Variants in GEMIN5 observed in about 807,000 individuals in gnomAD.
GEMIN5 encodes gem-associated protein 5.
GEMIN5 carries 124 observed loss-of-function variants against 176.9 expected under a neutral mutation model. The observed-to-expected ratio is 0.70, with a 90% CI of 0.61 to 0.81. The LOEUF (loss-of-function observed/expected upper bound fraction) is 0.81, where lower values mean the gene tolerates loss of function less well. Among genes scored for constraint, GEMIN5 ranks in the 40% least tolerant of loss-of-function variants. The probability of loss-of-function intolerance (pLI) is 0.00; values close to 1 mark genes in which losing one functional copy is unlikely to be tolerated. For missense variants in GEMIN5, 1,843 were observed against 1,814.6 expected (o/e 1.02, Z -0.28); for synonymous variants, 673 against 665.2 (o/e 1.01, Z -0.18).
At chr5:154,889,889 C>T (rs1351227709) in intron 26 of GEMIN5, among the ~76,000 whole-genome samples, 1 of 152,214 alleles carries the variant, frequency 6.6e-6, no homozygotes, top group Non-Finnish European at 1.5e-5. Context: ...ACTTAGGTTG[C>T]TCCCGTGTTT....
chr5:154,937,011 G>T lies in GEMIN5; in HGVS notation c.327+14C>A, dbSNP rs775092512. The T allele has an allele frequency of 1.9e-5, 31 of 1,600,412 alleles. No individual in the cohort carries two copies. The highest frequency in any genetic ancestry group is 2.5e-5 in the Non-Finnish European group (29 of 1,170,454). On this transcript the variant is annotated intron_variant, in intron 2 of 27. Transcript: ENST00000285873. ...TAGATAAAAACGGTTTGAGAAACCA[G>T]TAAGCCATGGTACCTGATGGAGTGC...
At chr5:154,931,783 G>A (rs772094167) in intron 4 of GEMIN5, 3 of 513,906 alleles carry the variant, frequency 5.8e-6, no homozygotes, top group Non-Finnish European at 1.0e-5. Context: ...GGGAGGCTGA[G>A]GCAGGTGGAT....
chr5:154,910,785 G>A (rs1320528596), intron 15 of GEMIN5, among the ~76,000 whole-genome samples: 1 of 152,098 alleles, frequency 6.6e-6, no homozygotes, highest in African/African-American at 2.4e-5. Context: ...TGCAAGCTCC[G>A]CCTCCTGGCT....
intron 20 of GEMIN5, among the ~76,000 whole-genome samples, chr5:154,901,902 G>A (rs891275995): frequency 6.6e-6 from 1 of 152,056 alleles, no homozygotes; most frequent in Non-Finnish European, 1.5e-5. Flanking sequence ...CCGGGCTCAG[G>A]TGATCCTCCC....
At chr5:154,897,888 G>A (rs1385189347) in intron 23 of GEMIN5, among the ~76,000 whole-genome samples, 1 of 151,088 alleles carries the variant, frequency 6.6e-6, no homozygotes, top group African/African-American at 2.4e-5. Context: ...CCCAAGGCCT[G>A]GGCTGACTAA....
At chr5:154,918,203 C>T (rs1320551454) in intron 11 of GEMIN5, among the ~76,000 whole-genome samples, 199 bp from the exon 12 acceptor site, 1 of 151,928 alleles carries the variant, frequency 6.6e-6, no homozygotes, top group African/African-American at 2.4e-5. Context: ...GCCAAAAAAA[C>T]AAAACAAAAA....
intron 23 of GEMIN5, among the ~76,000 whole-genome samples, chr5:154,896,671 A>AAAG (rs1175532727): frequency 6.6e-6 from 1 of 152,212 alleles, no homozygotes; most frequent in African/African-American, 2.4e-5. Flanking sequence ...AGTTTGAGGA[A>AAAG]AAGAAGGGCT....
chr5:154,888,066 T>C lies in GEMIN5; in HGVS notation c.*144A>G. 1.3e-6 allele frequency: 1 copy of C among 766,408 alleles called. No individual in the cohort carries two copies. Among genetic ancestry groups the C allele is most frequent in the Non-Finnish European group, 2.1e-6 (1 of 468,370 alleles). 47.5% of individuals were successfully genotyped at this position (766,408 alleles called of 1,614,324 possible). ...GTTGTCTATGGGTAGGCAGGGTTGA[T>C]TCAAACTTAATCCTTGTTTGTATTC... On this transcript the variant is annotated 3_prime_UTR_variant, in exon 28 of 28. Transcript: ENST00000285873.
chr5:154,928,728 T>C, intron 5 of GEMIN5, 69 bp from the exon 6 acceptor site: 3 of 1,381,574 alleles, frequency 2.2e-6, no homozygotes, highest in Non-Finnish European at 3.1e-6. Context: ...TCACCGGTGG[T>C]TCATAACACA....
intron 5 of GEMIN5, among the ~76,000 whole-genome samples, chr5:154,929,651 A>G (rs1764120827): frequency 6.6e-6 from 1 of 152,226 alleles, no homozygotes; most frequent in East Asian, 1.9e-4. Context: ...AGACACCTCT[A>G]AGTCTAGAGG....
At position 154,932,919 on chromosome 5, in the gene GEMIN5, C is replaced by A. The variant is rs145307280; in HGVS notation, c.510-669G>T. Among the ~76,000 whole-genome samples, 22 of 152,278 alleles carry A rather than the reference C, an allele frequency of 1.4e-4. No individual in the cohort carries two copies. The East Asian group carries it at 3.1e-3, about 21-fold the overall frequency. The stretch of plus-strand genomic sequence containing the variant: ...TAGTGCACTGGAAAATAATCTCTTT[C>A]TTTATAAGTGATACTACTTTTTAAA... On this transcript the variant is annotated intron_variant, in intron 3 of 27. Transcript: ENST00000285873.
At chr5:154,917,290 G>T (rs1763833867) in intron 12 of GEMIN5, 111 bp from the exon 13 acceptor site, 4 of 514,150 alleles carry the variant, frequency 7.8e-6, no homozygotes, top group Non-Finnish European at 1.3e-5. Flanking sequence ...GGTGGAAAAG[G>T]ATAACCCTTT....
Position 154,932,196 on chromosome 5 carries a change from A to C in GEMIN5, c.564T>G (p.Ile188Met), listed in dbSNP as rs752663970. Residue 188 changes from isoleucine to methionine, a missense_variant, in exon 4 of 28, where the codon ATT (isoleucine) becomes ATG (methionine). By Grantham distance (10) the Ile-to-Met change is conservative. Transcript: ENST00000285873. ...IIDISKKGEV[I>M]HRLRGHDDEI... ...CATCATCATGGCCTCGAAGCCTATG[A>C]ATAACTTCTCCTTTCTTACTGATGT... The C allele has an allele frequency of 4.3e-6, 7 of 1,610,970 alleles. No homozygotes were observed. The highest frequency in any genetic ancestry group is 5.9e-6 in the Non-Finnish European group (7 of 1,177,114).
chr5:154,927,846 TTGGGCATGG>T (rs200123085), intron 6 of GEMIN5, among the ~76,000 whole-genome samples: 142 of 152,148 alleles, frequency 9.3e-4, no homozygotes, highest in Admixed American at 6.7e-3. Context: ...AAAAAATTAG[TTGGGCATGG>T]TGGTGCACAT....
At position 154,902,629 on chromosome 5, in the gene GEMIN5, T is replaced by A. The variant is rs767556592; in HGVS notation, c.2776A>T (p.Met926Leu). The A allele has an allele frequency of 1.9e-6, 3 of 1,614,056 alleles. No individual in the cohort carries two copies. Among genetic ancestry groups the A allele is most frequent in the South Asian group, 1.1e-5 (1 of 91,086 alleles). ...CCTTTGAGATCTCCTTTCCAAAGCA[T>A]AAGCTGGTGAAATAACTCAGGGTGG... is the stretch of plus-strand genomic sequence containing the variant. ...NGHPELFHQL[M>L]LWKGDLKGVL... The change falls in exon 20 of 28, where the codon ATG becomes TTG. Residue 926 changes from methionine to leucine, a missense_variant. Coordinates refer to ENST00000285873, the MANE Select transcript of GEMIN5 (RefSeq NM_015465.5).
Position 154,938,081 on chromosome 5 carries a change from C to G in GEMIN5, c.53G>C (p.Arg18Pro). 1.3e-6 allele frequency: 2 copies of G among 1,511,520 alleles called. No homozygotes were observed. The highest frequency in any genetic ancestry group is 1.8e-6 in the Non-Finnish European group (2 of 1,133,636). 93.6% of individuals were successfully genotyped at this position (1,511,520 alleles called of 1,614,324 possible). ...GCCCCCGGGCACGGCATCGCTGCAGCGGGCGCAGTACCAGTTGGGGGAGGG... is the reference window on the plus strand; with the variant it reads ...GCCCCCGGGCACGGCATCGCTGCAGGGGGCGCAGTACCAGTTGGGGGAGGG... ...LPPSPNWYCA[R>P]CSDAVPGGLF... Residue 18 changes from arginine (R) to proline (P), a missense_variant, in exon 1 of 28, where the codon CGC becomes CCC. Arg to Pro is a moderately radical substitution (Grantham distance 103, BLOSUM62 -2). Transcript: ENST00000285873.
rs1763914881 is a variant in GEMIN5 at position 154,921,270 on chromosome 5, A to G, written c.1462+73T>C. The G allele has an allele frequency of 1.5e-5, 12 of 800,868 alleles. No homozygotes were observed. The South Asian group carries it at 1.6e-4, about 11-fold the overall frequency. 49.6% of individuals were successfully genotyped at this position (800,868 alleles called of 1,614,324 possible). ...CACTAGACCATTTATGACTCTTTCC[A>G]TCTTTAATATTTTAGGATTAAACTG... On this transcript the variant is annotated intron_variant, in intron 10 of 27. Transcript: ENST00000285873.
chr5:154,898,417 A>G, intron 23 of GEMIN5, 23 bp downstream of exon 23: 1 of 1,571,692 alleles, frequency 6.4e-7, no homozygotes, highest in Non-Finnish European at 8.8e-7. Flanking sequence ...CTTGTATACT[A>G]GGAGATGAAA....
In GEMIN5 at chr5:154,907,658, A is replaced by G; in HGVS notation, c.2328T>C (p.Gly776=). The change falls in exon 16 of 28, where the codon GGT becomes GGC. Residue 776 remains glycine, a synonymous_variant. Coordinates refer to ENST00000285873, the MANE Select transcript of GEMIN5 (RefSeq NM_015465.5). ...MKENSGPVEN[G]VSDQEGEEQA... ...GCTCCTCCCCTTCTTGGTCTGACAC[A>G]CCATTCTCAACAGGTCCTGAGTTCT... 6.2e-7 allele frequency: 1 copy of G among 1,614,070 alleles called. No individual in the cohort carries two copies. The highest frequency in any genetic ancestry group is 8.5e-7 in the Non-Finnish European group (1 of 1,180,010).
Sources: gnomAD v4.1 joint callset for allele counts (sites outside exome capture counted in the v4.1 genomes callset) on GRCh38, gnomAD v4.1.1 for gene constraint, MANE v1.5 for transcripts, NCBI Gene and HGNC (gene_info 2026-07-23, HGNC 2026-07-21) for gene names.